STARD13: variants seen among roughly 807,000 people sequenced by gnomAD.
The protein encoded by STARD13 is stAR-related lipid transfer protein 13.
A neutral mutation model predicts 106.4 loss-of-function variants in STARD13; 62 were observed. That is an observed-to-expected ratio of 0.58 (90% CI 0.48 to 0.72). STARD13 has a LOEUF of 0.72. STARD13 is among the 30% of genes least tolerant of loss of function. The pLI is 0.00. For synonymous variants in STARD13, 565 were observed against 553.0 expected (o/e 1.02, Z -0.31); for missense variants, 1,387 against 1,424.0 (o/e 0.97, Z 0.42).
At chr13:33,194,667 A>G (rs1886489761) in intron 1 of STARD13, among the ~76,000 whole-genome samples, 1 of 152,236 alleles carries the variant, frequency 6.6e-6, no homozygotes, top group Non-Finnish European at 1.5e-5. Flanking sequence ...GGCAGAATAT[A>G]AAACAAATTC....
At chr13:33,640,338 T>C in the STARD13 span, among the ~76,000 whole-genome samples, 2 of 152,224 alleles carry the variant, frequency 1.3e-5, no homozygotes, top group African/African-American at 4.8e-5. Flanking sequence ...AAATGCAATA[T>C]TCAAATAGCC....
the STARD13 span, among the ~76,000 whole-genome samples, chr13:33,362,501 A>G: frequency 6.6e-6 from 1 of 152,154 alleles, no homozygotes; most frequent in Non-Finnish European, 1.5e-5. Context: ...GTCCTGAGAA[A>G]TCCTTTGGAT....
At chr13:33,546,384 C>A in the STARD13 span, among the ~76,000 whole-genome samples, 1 of 152,124 alleles carries the variant, frequency 6.6e-6, no homozygotes, top group African/African-American at 2.4e-5. Flanking sequence ...CTTATTAATA[C>A]TTTTAATTTT....
chr13:33,449,962 T>A, the STARD13 span, among the ~76,000 whole-genome samples: 1 of 152,198 alleles, frequency 6.6e-6, no homozygotes, highest in Non-Finnish European at 1.5e-5. Flanking sequence ...AATTTATTTA[T>A]CAGTTCTAAT....
the STARD13 span, among the ~76,000 whole-genome samples, chr13:33,454,994 T>C: frequency 1.3e-5 from 2 of 152,216 alleles, no homozygotes; most frequent in African/African-American, 2.4e-5. Context: ...TATTCCCAAC[T>C]GTCCAGAAGG....
the STARD13 span, among the ~76,000 whole-genome samples, chr13:33,404,708 G>A: frequency 2.0e-5 from 3 of 151,786 alleles, no homozygotes; most frequent in East Asian, 5.8e-4. Context: ...ACAGTAATGT[G>A]AGAAGGAATT....
At chr13:33,261,255 C>G (rs1890625313) in intron 1 of STARD13, among the ~76,000 whole-genome samples, 1 of 152,108 alleles carries the variant, frequency 6.6e-6, no homozygotes, top group African/African-American at 2.4e-5. Context: ...CTTCTGGTAT[C>G]CAGAGGTAAA....
chr13:33,247,310 G>A (rs1889875213), intron 1 of STARD13, among the ~76,000 whole-genome samples: 1 of 152,088 alleles, frequency 6.6e-6, no homozygotes, highest in Non-Finnish European at 1.5e-5. Flanking sequence ...ATACCAGGCG[G>A]CAGAGAGTCA....
chr13:33,204,069 A>G lies in STARD13; in HGVS notation c.170-36447T>C, dbSNP rs1030762337. On this transcript the variant is annotated intron_variant, in intron 1 of 13. Coordinates refer to ENST00000336934, the MANE Select transcript of STARD13 (RefSeq NM_178006.4). ...TAGTATCTGAAATCCAAGGCTTCTG[A>G]CTGTTACCTCGGTCCTTGAAATCAA... is the stretch of plus-strand genomic sequence containing the variant. Among the ~76,000 whole-genome samples the G allele has an allele frequency of 2.0e-5, 3 of 152,244 alleles. No individual in the cohort carries two copies. In the South Asian group the frequency reaches 6.2e-4, roughly 31 times the overall value.
At chr13:33,331,772 T>G (rs1346344855) in intron 1 of STARD13, among the ~76,000 whole-genome samples, 1 of 152,182 alleles carries the variant, frequency 6.6e-6, no homozygotes, top group African/African-American at 2.4e-5. Flanking sequence ...GCAGAGTGTC[T>G]GACACATGAT....
At chr13:33,287,707 A>C (rs781429449), upstream of STARD13, among the ~76,000 whole-genome samples, 9 of 152,184 alleles carry the variant, frequency 5.9e-5, no homozygotes, top group Non-Finnish European at 1.0e-4. Flanking sequence ...TGCTTGCATC[A>C]GCTGCTTTGT....
intron 1 of STARD13, among the ~76,000 whole-genome samples, chr13:33,304,002 A>G (rs2138474290): frequency 6.6e-6 from 1 of 152,360 alleles, no homozygotes; most frequent in Admixed American, 6.5e-5. Context: ...ACTCAATCAG[A>G]GCCTACATTT....
the STARD13 span, among the ~76,000 whole-genome samples, chr13:33,470,050 C>T: frequency 6.6e-6 from 1 of 152,130 alleles, no homozygotes. Flanking sequence ...GCTATCCCTC[C>T]CCTCAACTCC....
the STARD13 span, among the ~76,000 whole-genome samples, chr13:33,621,815 T>C: frequency 6.6e-6 from 1 of 151,936 alleles, no homozygotes; most frequent in Non-Finnish European, 1.5e-5. Flanking sequence ...TTTTTTTCTT[T>C]TTTTTTTGGA....
intron 1 of STARD13, among the ~76,000 whole-genome samples, chr13:33,235,924 A>T (rs1889166549): frequency 6.6e-6 from 1 of 152,228 alleles, no homozygotes; most frequent in Non-Finnish European, 1.5e-5. Context: ...TGGTAAATGA[A>T]CATCAGGCTA....
At chr13:33,452,828 A>T in the STARD13 span, among the ~76,000 whole-genome samples, 1 of 152,236 alleles carries the variant, frequency 6.6e-6, no homozygotes. Flanking sequence ...AGTAACCTGG[A>T]ACAGCGATGT....
the STARD13 span, among the ~76,000 whole-genome samples, chr13:33,404,396 T>TGA: frequency 3.3e-5 from 5 of 151,894 alleles, no homozygotes; most frequent in African/African-American, 1.2e-4. Context: ...AAGTTAGAAA[T>TGA]GAGAGAGAGA....
chr13:33,591,943 A>G, the STARD13 span, among the ~76,000 whole-genome samples: 1 of 152,216 alleles, frequency 6.6e-6, no homozygotes, highest in Admixed American at 6.5e-5. Context: ...TATGTATTTT[A>G]TATTCATATT....
At chr13:33,650,141 C>A in the STARD13 span, among the ~76,000 whole-genome samples, 1 of 134,594 alleles carries the variant, frequency 7.4e-6, no homozygotes, top group Non-Finnish European at 1.5e-5. Context: ...TTTGGTCCCA[C>A]ACCTGAATGT....
Sources: allele counts gnomAD v4.1 joint callset (sites outside exome capture counted in the v4.1 genomes callset), GRCh38; gene constraint gnomAD v4.1.1; transcripts MANE v1.5; gene names NCBI Gene and HGNC (gene_info 2026-07-23, HGNC 2026-07-21).